MOB3B: variants seen among roughly 807,000 people sequenced by gnomAD.
MOB3B encodes MOB kinase activator 3B.
In MOB3B, 7 loss-of-function variants were observed where a neutral mutation model predicts 18.7. That is an observed-to-expected ratio of 0.37 (90% confidence interval 0.21 to 0.70). MOB3B has a LOEUF of 0.70. Among genes scored for constraint, MOB3B ranks in the 30% least tolerant of loss-of-function variants. The probability of loss-of-function intolerance (pLI) is 0.52; values close to 1 mark genes in which losing one functional copy is unlikely to be tolerated. For synonymous variants in MOB3B, 111 were observed against 99.9 expected, an observed-to-expected ratio of 1.11 and a Z score of -0.66; for missense variants, 253 against 281.3, an observed-to-expected ratio of 0.90 and a Z score of 0.72.
At chr9:27,402,427 GAT>G (rs1233548976) in intron 2 of MOB3B, among the ~76,000 whole-genome samples, 9 of 152,238 alleles carry the variant, frequency 5.9e-5, no homozygotes, top group Non-Finnish European at 2.9e-5. Flanking sequence ...AATTAATGTG[GAT>G]AATGATGATG....
intron 2 of MOB3B, chr9:27,397,440 C>G (rs1821817633): frequency 1.3e-5 from 2 of 152,130 alleles, no homozygotes; most frequent in African/African-American, 4.8e-5. Context: ...ATAGGCTCTC[C>G]ACTGATTATT....
At chr9:27,382,460 A>G (rs1365772579) in intron 2 of MOB3B, among the ~76,000 whole-genome samples, 1 of 152,088 alleles carries the variant, frequency 6.6e-6, no homozygotes, top group Admixed American at 6.6e-5. Flanking sequence ...TGTGCTGTTT[A>G]GAAGATCAGG....
At chr9:27,409,384 A>G (rs1403832329) in intron 2 of MOB3B, among the ~76,000 whole-genome samples, 1 of 152,216 alleles carries the variant, frequency 6.6e-6, no homozygotes, top group African/African-American at 2.4e-5. Flanking sequence ...ATGATGAGAT[A>G]CCATTTCATA....
chr9:27,326,522 G>C lies in MOB3B; in HGVS notation c.*4065C>G, dbSNP rs78612069. On this transcript the variant is annotated 3_prime_UTR_variant, in exon 4 of 4. Transcript: ENST00000262244. ...TCAAGATGTTGTGGAGGGTTCAGTG[G>C]GTTGGTTATACCAAAGAATGCTATA... is the stretch of plus-strand genomic sequence containing the variant. The C allele has an allele frequency of 0.013, 5,040 of 398,554 alleles. 51 individuals carry two copies. The highest frequency in any genetic ancestry group is 0.028 in the African/African-American group (1,385 of 48,730). 24.7% of individuals were successfully genotyped at this position (398,554 alleles called of 1,614,324 possible). A position where few individuals can be genotyped will look rare whatever the true frequency, so the allele number is the denominator to read the frequency against.
In MOB3B at chr9:27,455,015, G is replaced by A. The variant is rs1587227875; in HGVS notation, c.418+118C>T. 5.8e-6 allele frequency: 6 copies of A among 1,042,514 alleles called. No homozygotes were observed. The East Asian group carries it at 1.4e-4, about 25-fold the overall frequency. 64.6% of individuals were successfully genotyped at this position (1,042,514 alleles called of 1,614,324 possible). Reference sequence around the variant, plus strand: ...GGCTCTTATATATCACTCACTACAGGTATGTGAGTGATGGGATTAATGCAT... The same window carrying A: ...GGCTCTTATATATCACTCACTACAGATATGTGAGTGATGGGATTAATGCAT... On this transcript the variant is annotated intron_variant, in intron 2 of 3. Coordinates refer to ENST00000262244, the MANE Select transcript of MOB3B (RefSeq NM_024761.5).
In MOB3B at chr9:27,327,287, A is replaced by G. The variant is rs1820727178; in HGVS notation, c.*3300T>C. The G allele has an allele frequency of 6.6e-6, 1 of 152,250 alleles. No individual in the cohort carries two copies. Among genetic ancestry groups the G allele is most frequent in the Non-Finnish European group, 1.5e-5 (1 of 68,052 alleles). The allele number at this position is 152,250 out of a possible 1,614,324, so 9.4% of individuals were successfully genotyped here. A position where few individuals can be genotyped will look rare whatever the true frequency, so the allele number is the denominator to read the frequency against. On this transcript the variant is annotated 3_prime_UTR_variant, in exon 4 of 4. Coordinates refer to ENST00000262244, the MANE Select transcript of MOB3B (RefSeq NM_024761.5). The stretch of plus-strand genomic sequence containing the variant: ...GTGTCCTGAATTTCAGAGCTTAATA[A>G]TGAATTATGGAACTTGATAATGATT...
At chr9:27,477,144 G>A (rs1352002090) in intron 1 of MOB3B, among the ~76,000 whole-genome samples, 1 of 152,158 alleles carries the variant, frequency 6.6e-6, no homozygotes, top group Non-Finnish European at 1.5e-5. Flanking sequence ...AGCCATCTTG[G>A]AATTCTTAAT....
At chr9:27,474,879 G>T (rs1234578992) in intron 1 of MOB3B, among the ~76,000 whole-genome samples, 1 of 152,146 alleles carries the variant, frequency 6.6e-6, no homozygotes, top group Non-Finnish European at 1.5e-5. Context: ...AATGTATTGG[G>T]TTATGGTGCC....
intron 2 of MOB3B, among the ~76,000 whole-genome samples, chr9:27,411,919 G>A (rs1463418012): frequency 6.6e-6 from 1 of 152,174 alleles, no homozygotes; most frequent in Non-Finnish European, 1.5e-5. Flanking sequence ...AGGGGAAATT[G>A]TGGGAGGAAG....
intron 1 of MOB3B, among the ~76,000 whole-genome samples, chr9:27,479,390 C>T (rs1819611642): frequency 6.6e-6 from 1 of 152,180 alleles, no homozygotes; most frequent in African/African-American, 2.4e-5. Context: ...AACTTCCCAC[C>T]TCTCAACACT....
intron 1 of MOB3B, among the ~76,000 whole-genome samples, chr9:27,478,710 G>T (rs923288830): frequency 8.6e-5 from 13 of 151,984 alleles, no homozygotes; most frequent in African/African-American, 3.1e-4. Flanking sequence ...TTATGTGAGA[G>T]TGGCAATACT....
At chr9:27,474,918 A>T (rs561328872) in intron 1 of MOB3B, among the ~76,000 whole-genome samples, 9 of 152,346 alleles carry the variant, frequency 5.9e-5, no homozygotes, top group African/African-American at 2.2e-4. Flanking sequence ...GCTCCTAGTG[A>T]TCTCTGTCTC....
chr9:27,326,715 G>A lies in MOB3B; in HGVS notation c.*3872C>T, dbSNP rs1448814561. The A allele has an allele frequency of 2.5e-6, 1 of 397,242 alleles. No individual in the cohort carries two copies. Among genetic ancestry groups the A allele is most frequent in the East Asian group, 3.6e-5 (1 of 28,022 alleles). The allele number at this position is 397,242 out of a possible 1,614,324, so 24.6% of individuals were successfully genotyped here. ...CTTTGGAAATGAGAAAATACCCAGG[G>A]AAGAGAAAACGAACAATTTAAGAAG... On this transcript the variant is annotated 3_prime_UTR_variant, in exon 4 of 4. Coordinates refer to ENST00000262244, the MANE Select transcript of MOB3B (RefSeq NM_024761.5).
chr9:27,507,838 C>T (rs7036117), intron 1 of MOB3B, among the ~76,000 whole-genome samples: 97,634 of 152,168 alleles, frequency 0.64, 32,336 homozygotes, highest in Non-Finnish European at 0.71. Flanking sequence ...TGTTTAAAAA[C>T]GATGATCTCC....
At chr9:27,353,279 T>A (rs578219879) in intron 3 of MOB3B, among the ~76,000 whole-genome samples, 3 of 152,196 alleles carry the variant, frequency 2.0e-5, no homozygotes, top group Non-Finnish European at 4.4e-5. Flanking sequence ...TTCAGCAAGA[T>A]CCCTGGTGAT....
chr9:27,468,894 C>G (rs1346067859), intron 1 of MOB3B, among the ~76,000 whole-genome samples: 3 of 152,112 alleles, frequency 2.0e-5, no homozygotes, highest in African/African-American at 7.2e-5. Flanking sequence ...TGATGTTTCC[C>G]AGGCCAATCT....
In MOB3B at chr9:27,325,314, T is replaced by C. The variant is rs1296639088; in HGVS notation, c.*5273A>G. The C allele has an allele frequency of 6.6e-6, 1 of 152,230 alleles. No individual in the cohort carries two copies. The highest frequency in any genetic ancestry group is 1.5e-5 in the Non-Finnish European group (1 of 68,032). The allele number at this position is 152,230 out of a possible 1,614,324, so 9.4% of individuals were successfully genotyped here. On this transcript the variant is annotated 3_prime_UTR_variant, in exon 4 of 4. Transcript: ENST00000262244. ...TATGTTGCTTTTCTAATTGATTTAA[T>C]TGTTAGTTTTCCTTATAGTCAAATG...
At chr9:27,456,074 C>T (rs903483601) in intron 1 of MOB3B, among the ~76,000 whole-genome samples, 3 of 152,154 alleles carry the variant, frequency 2.0e-5, no homozygotes, top group East Asian at 1.9e-4. Flanking sequence ...TCCTATCCCA[C>T]GTGTGCTAGC....
chr9:27,499,099 C>G (rs943794115), intron 1 of MOB3B, among the ~76,000 whole-genome samples: 2 of 152,188 alleles, frequency 1.3e-5, no homozygotes, highest in African/African-American at 2.4e-5. Flanking sequence ...TCTGAATCAG[C>G]TCCTAAAATC....
Sources: allele counts gnomAD v4.1 joint callset (sites outside exome capture counted in the v4.1 genomes callset), GRCh38; gene constraint gnomAD v4.1.1; transcripts MANE v1.5; gene names NCBI Gene and HGNC (gene_info 2026-07-23, HGNC 2026-07-21).